Variants in GOLGA6L9 observed in about 807,000 individuals in gnomAD.
GOLGA6L9 encodes golgin A6 family like 9, also known as golgin subfamily A member 6-like protein 9.
A neutral mutation model predicts 51.3 loss-of-function variants in GOLGA6L9; 19 were observed. The ratio of observed to expected loss-of-function variants is 0.37; its 90% CI spans 0.26 to 0.54. The LOEUF is 0.54. Ranked by LOEUF, GOLGA6L9 falls within the 20% of genes least tolerant of loss-of-function variation. The pLI is 0.83. For synonymous variants in GOLGA6L9, 97 were observed against 184.2 expected, an observed-to-expected ratio of 0.53 and a Z score of 3.83; for missense variants, 247 against 464.1, an observed-to-expected ratio of 0.53 and a Z score of 4.30.
At chr15:82,417,665 G>A in the GOLGA6L9 span, among the ~76,000 whole-genome samples, 2 of 152,210 alleles carry the variant, frequency 1.3e-5, no homozygotes, top group Admixed American at 6.5e-5. Flanking sequence ...GTGTTGGTTG[G>A]ATAATGGGTG....
rs1442275786 is a variant in GOLGA6L9 at position 82,437,709 on chromosome 15, C to G, written c.*1298C>G. The G allele has an allele frequency of 2.7e-5, 4 of 148,190 alleles. No homozygotes were observed. The highest frequency in any genetic ancestry group is 6.0e-5 in the Non-Finnish European group (4 of 67,018). 9.2% of individuals were successfully genotyped at this position (148,190 alleles called of 1,614,324 possible). A position where few individuals can be genotyped will look rare whatever the true frequency, so the allele number is the denominator to read the frequency against. On this transcript the variant is annotated 3_prime_UTR_variant, in exon 9 of 9. Transcript: ENST00000618348. ...TTATAAACTAATATATGTGAGAGTA[C>G]TTAGTTGAAACAAAAAGGAGTTTTA...
the GOLGA6L9 span, among the ~76,000 whole-genome samples, chr15:82,420,831 T>C: frequency 1.3e-5 from 2 of 151,836 alleles, no homozygotes; most frequent in Non-Finnish European, 2.9e-5. Context: ...TGTTTTGTTT[T>C]GTTTTGTTTT....
Position 82,436,835 on chromosome 15 carries a change from G to C in GOLGA6L9, c.*424G>C, listed in dbSNP as rs1158049677. 1 of 156,690 alleles carries C rather than the reference G, an allele frequency of 6.4e-6. No homozygotes were observed. The highest frequency in any genetic ancestry group is 2.0e-4 in the East Asian group (1 of 5,046). 9.7% of individuals were successfully genotyped at this position (156,690 alleles called of 1,614,324 possible). A position where few individuals can be genotyped will look rare whatever the true frequency, so the allele number is the denominator to read the frequency against. On this transcript the variant is annotated 3_prime_UTR_variant, in exon 9 of 9. Coordinates refer to ENST00000618348, the MANE Select transcript of GOLGA6L9 (RefSeq NM_198181.4). ...CACACAACTGTTCTTGCTGGTTTGG[G>C]ATAGGCTGCCATGCTTTTTTAATGT...
chr15:82,429,412 C>T (rs1371839127), upstream of GOLGA6L9, among the ~76,000 whole-genome samples: 1 of 151,494 alleles, frequency 6.6e-6, no homozygotes, highest in African/African-American at 2.4e-5. Context: ...AGACATGTTT[C>T]TTGTTTTTAA....
At chr15:82,417,228 T>C in the GOLGA6L9 span, among the ~76,000 whole-genome samples, 1 of 152,238 alleles carries the variant, frequency 6.6e-6, no homozygotes, top group South Asian at 2.1e-4. Context: ...GTTGAAAATA[T>C]TACTGTGTCT....
At chr15:82,427,365 C>T (rs1460552385), upstream of GOLGA6L9, among the ~76,000 whole-genome samples, 2 of 148,248 alleles carry the variant, frequency 1.3e-5, no homozygotes, top group African/African-American at 2.5e-5. Flanking sequence ...TTCCCTCTCT[C>T]TCTTTCTTCC....
the GOLGA6L9 span, among the ~76,000 whole-genome samples, chr15:82,417,119 A>T: frequency 6.6e-6 from 1 of 152,204 alleles, no homozygotes; most frequent in Non-Finnish European, 1.5e-5. Context: ...GGCATTTTGT[A>T]ATTGACTTTT....
Position 82,437,502 on chromosome 15 carries a change from C to G in GOLGA6L9, c.*1091C>G, listed in dbSNP as rs1316503674. 1 of 101,132 alleles carries G rather than the reference C, an allele frequency of 9.9e-6. No homozygotes were observed. Among genetic ancestry groups the G allele is most frequent in the Non-Finnish European group, 2.0e-5 (1 of 50,918 alleles). The allele number at this position is 101,132 out of a possible 1,614,324, so 6.3% of individuals were successfully genotyped here. A position where few individuals can be genotyped will look rare whatever the true frequency, so the allele number is the denominator to read the frequency against. On this transcript the variant is annotated 3_prime_UTR_variant, in exon 9 of 9. Coordinates refer to ENST00000618348, the MANE Select transcript of GOLGA6L9 (RefSeq NM_198181.4). ...TACAGGCTCTAGTCAAGAATGAATT[C>G]GAGTGAAGGAAAGCTGTGTGACACC...
chr15:82,438,433 A>G lies in GOLGA6L9; in HGVS notation c.*2022A>G, dbSNP rs953669353. ...TAAAGAGAATGGAAATCCTATGACA[A>G]TAACTATGACAATAACTATGACAAG... On this transcript the variant is annotated 3_prime_UTR_variant, in exon 9 of 9. Transcript: ENST00000618348. 3 of 150,860 alleles carry G rather than the reference A, an allele frequency of 2.0e-5. No homozygotes were observed. Among genetic ancestry groups the G allele is most frequent in the South Asian group, 2.1e-4 (1 of 4,818 alleles). The allele number at this position is 150,860 out of a possible 1,614,324, so 9.3% of individuals were successfully genotyped here. A position where few individuals can be genotyped will look rare whatever the true frequency, so the allele number is the denominator to read the frequency against.
intron 6 of GOLGA6L9, 55 bp downstream of exon 6, chr15:82,434,657 T>C: frequency 8.1e-7 from 1 of 1,229,140 alleles, no homozygotes; most frequent in South Asian, 1.3e-5. Context: ...AAGGCCTTTG[T>C]TTCCCCACCT....
the GOLGA6L9 span, among the ~76,000 whole-genome samples, chr15:82,417,849 A>G: frequency 5.9e-5 from 9 of 152,226 alleles, no homozygotes; most frequent in East Asian, 1.9e-4. Context: ...TGTTAAATCA[A>G]TGAGTGCACA....
chr15:82,417,377 C>T, the GOLGA6L9 span, among the ~76,000 whole-genome samples: 4 of 152,116 alleles, frequency 2.6e-5, no homozygotes, highest in Admixed American at 2.0e-4. Context: ...CACATATTGA[C>T]GAAATGAATG....
chr15:82,417,121 T>C, the GOLGA6L9 span, among the ~76,000 whole-genome samples: 1 of 152,244 alleles, frequency 6.6e-6, no homozygotes. Flanking sequence ...CATTTTGTAA[T>C]TGACTTTTCT....
At chr15:82,418,322 A>G in the GOLGA6L9 span, among the ~76,000 whole-genome samples, 1 of 152,170 alleles carries the variant, frequency 6.6e-6, no homozygotes, top group Non-Finnish European at 1.5e-5. Context: ...AGCATTTGGA[A>G]GGGTAGGAAG....
At position 82,438,799 on chromosome 15, in the gene GOLGA6L9, C is replaced by G. The variant is rs1439704455; in HGVS notation, c.*2388C>G. 1.7e-5 allele frequency: 2 copies of G among 119,174 alleles called. No homozygotes were observed. Among genetic ancestry groups the G allele is most frequent in the Admixed American group, 9.5e-5 (1 of 10,544 alleles). 7.4% of individuals were successfully genotyped at this position (119,174 alleles called of 1,614,324 possible). A position where few individuals can be genotyped will look rare whatever the true frequency, so the allele number is the denominator to read the frequency against. Reference sequence around the variant, plus strand: ...ATGTGAAAATGTAAATCAACCCTATCCATAATAGATTCTCTAAAACTTTAT... The same window carrying G: ...ATGTGAAAATGTAAATCAACCCTATGCATAATAGATTCTCTAAAACTTTAT... On this transcript the variant is annotated 3_prime_UTR_variant, in exon 9 of 9. Coordinates refer to ENST00000618348, the MANE Select transcript of GOLGA6L9 (RefSeq NM_198181.4).
Position 82,431,924 on chromosome 15 carries a change from C to G in GOLGA6L9, c.179C>G (p.Ser60Cys). 7.4e-7 allele frequency: 1 copy of G among 1,352,850 alleles called. No individual in the cohort carries two copies. The highest frequency in any genetic ancestry group is 9.8e-7 in the Non-Finnish European group (1 of 1,022,878). The allele number at this position is 1,352,850 out of a possible 1,614,324, so 83.8% of individuals were successfully genotyped here. ...INGSSPDTFT[S>C]GGYHSPGDSA... is the part of the protein sequence containing the mutation. Reference sequence around the variant, plus strand: ...GGCAGTAGCCCTGACACATTCACTTCTGGTGGTTACCACTCACCTGGGGAT... The same window carrying G: ...GGCAGTAGCCCTGACACATTCACTTGTGGTGGTTACCACTCACCTGGGGAT... The change falls in exon 2 of 9, where the codon TCT becomes TGT. Residue 60 changes from serine (S) to cysteine (C), a missense_variant. This residue lies in a region of GOLGA6L9 where 74 missense variants were observed against 91.2 expected (regional missense o/e 0.81). Coordinates refer to ENST00000618348, the MANE Select transcript of GOLGA6L9 (RefSeq NM_198181.4).
intron 4 of GOLGA6L9, among the ~76,000 whole-genome samples, chr15:82,433,292 A>G (rs1341304732): frequency 4.6e-5 from 7 of 151,894 alleles, no homozygotes; most frequent in African/African-American, 1.2e-4. Flanking sequence ...GAGAGTATCA[A>G]AGGTCTCGGT....
chr15:82,415,992 C>T, the GOLGA6L9 span: 1 of 152,092 alleles, frequency 6.6e-6, no homozygotes, highest in African/African-American at 2.4e-5. Context: ...TAAACTCCAT[C>T]TGAACAAAAA....
rs1490924183 is a variant in GOLGA6L9, at chr15:82,436,408, C to G, written c.1296C>G (p.Ile432Met). ...ACAGGGAGCTAAACATCACCATCATCTAAGAGCGGGTCAAGAAATTGAAAA... is the reference window on the plus strand; with the variant it reads ...ACAGGGAGCTAAACATCACCATCATGTAAGAGCGGGTCAAGAAATTGAAAA... Reference protein sequence around the residue: ...AENRELNITII With the variant: ...AENRELNITIM Residue 432 changes from isoleucine (I) to methionine (M), a missense_variant, in exon 9 of 9, where the codon ATC (isoleucine) becomes ATG (methionine). Physicochemically the swap from Ile to Met is conservative, Grantham distance 10. Coordinates refer to ENST00000618348, the MANE Select transcript of GOLGA6L9 (RefSeq NM_198181.4). 11 of 1,589,848 alleles carry G rather than the reference C, an allele frequency of 6.9e-6. No homozygotes were observed. Among genetic ancestry groups the G allele is most frequent in the Admixed American group, 1.7e-5 (1 of 59,410 alleles).
Sources: allele counts gnomAD v4.1 joint callset (sites outside exome capture counted in the v4.1 genomes callset), GRCh38; gene constraint gnomAD v4.1.1; regional missense constraint gnomAD v4.1.1; transcripts MANE v1.5; gene names NCBI Gene and HGNC (gene_info 2026-07-23, HGNC 2026-07-21).